Variants in DIAPH2 observed in about 807,000 individuals in gnomAD.
DIAPH2 encodes the protein protein diaphanous homolog 2.
A neutral mutation model predicts 92.7 loss-of-function variants in DIAPH2; 35 were observed. The observed-to-expected ratio is 0.38, with a 90% CI of 0.29 to 0.50. The LOEUF is 0.50. Ranked by LOEUF, DIAPH2 falls within the 20% of genes least tolerant of loss-of-function variation. DIAPH2 has a pLI of 0.94. For synonymous variants in DIAPH2, 301 were observed against 280.4 expected (o/e 1.07, Z -0.73); for missense variants, 701 against 819.5 (o/e 0.86, Z 1.77).
chrX:97,291,295 A>G (rs1172547497), intron 23 of DIAPH2, among the ~76,000 whole-genome samples: 1 of 110,964 alleles, frequency 9.0e-6, no homozygotes, highest in African/African-American at 3.3e-5. Context: ...TGGCTGAGGC[A>G]GGAGAATTGC....
At chrX:97,419,739 G>A (rs192373697) in intron 25 of DIAPH2, among the ~76,000 whole-genome samples, 2 of 111,796 alleles carry the variant, frequency 1.8e-5, no homozygotes, top group East Asian at 5.6e-4. Flanking sequence ...CTGCCATATA[G>A]TCAGCATTCA....
intron 17 of DIAPH2, among the ~76,000 whole-genome samples, chrX:97,010,353 G>C (rs948270868): frequency 1.8e-5 from 2 of 111,044 alleles, no homozygotes; most frequent in Non-Finnish European, 3.8e-5. Flanking sequence ...GGATAGGGAT[G>C]GGGGGGATGG....
chrX:97,543,471 C>A (rs2071155748), intron 26 of DIAPH2, among the ~76,000 whole-genome samples: 1 of 111,516 alleles, frequency 9.0e-6, no homozygotes, highest in South Asian at 3.8e-4. Flanking sequence ...ATAATCATGG[C>A]AAATGTGGTG....
intron 17 of DIAPH2, among the ~76,000 whole-genome samples, chrX:97,060,540 A>G (rs753618472): frequency 1.6e-4 from 18 of 111,347 alleles, no homozygotes; most frequent in Non-Finnish European, 2.8e-4. Context: ...TAGGGGCCAT[A>G]TATTGAGGAT....
In DIAPH2 at chrX:97,552,007, A is replaced by G. The variant is rs185770391; in HGVS notation, c.3242-47246A>G. On this transcript the variant is annotated intron_variant, in intron 26 of 26. Transcript: ENST00000324765. The stretch of plus-strand genomic sequence containing the variant: ...AGGATCATGGAAAGAGCATAGACTT[A>G]GATCAGAAGACTCATTCTAGCTGGT... Among the ~76,000 whole-genome samples, 280 of 111,899 alleles carry G rather than the reference A, an allele frequency of 2.5e-3. 1 individual carries two copies. Among genetic ancestry groups the G allele is most frequent in the African/African-American group, 8.8e-3 (272 of 30,786 alleles).
chrX:96,814,090 G>T (rs1385752918), intron 4 of DIAPH2, among the ~76,000 whole-genome samples: 6 of 111,621 alleles, frequency 5.4e-5, no homozygotes, highest in Non-Finnish European at 1.1e-4. Flanking sequence ...GTTTGGGGAA[G>T]TTCTCCTGGA....
chrX:96,937,019 A>T (rs187787277), intron 10 of DIAPH2, among the ~76,000 whole-genome samples: 92 of 111,911 alleles, frequency 8.2e-4, no homozygotes, highest in African/African-American at 2.8e-3. Context: ...ATCAAAATGT[A>T]GGGCATGGAA....
chrX:97,051,871 G>T (rs2066522717), intron 17 of DIAPH2, among the ~76,000 whole-genome samples: 1 of 111,979 alleles, frequency 8.9e-6, no homozygotes, highest in African/African-American at 3.2e-5. Context: ...AATAAAAGCT[G>T]TCAAACAGCA....
chrX:97,473,571 G>A (rs1356051868), intron 26 of DIAPH2, among the ~76,000 whole-genome samples: 2 of 111,492 alleles, frequency 1.8e-5, no homozygotes, highest in African/African-American at 3.2e-5. Flanking sequence ...TCCTGACCTC[G>A]TGATCTGCCC....
chrX:97,134,362 C>T (rs1488691704), intron 21 of DIAPH2, among the ~76,000 whole-genome samples: 1 of 111,876 alleles, frequency 8.9e-6, no homozygotes, highest in African/African-American at 3.3e-5. Context: ...ATTGAAAACA[C>T]GTTGACACTT....
intron 25 of DIAPH2, among the ~76,000 whole-genome samples, chrX:97,399,744 A>G (rs915951885): frequency 8.9e-6 from 1 of 112,207 alleles, no homozygotes; most frequent in Admixed American, 9.4e-5. Flanking sequence ...TTGTGTTTTC[A>G]CAGTTTTATT....
At chrX:97,587,349 A>T (rs1403236376) in intron 26 of DIAPH2, among the ~76,000 whole-genome samples, 1 of 111,532 alleles carries the variant, frequency 9.0e-6, no homozygotes, top group East Asian at 2.8e-4. Flanking sequence ...CTCTAGAAAT[A>T]ATCTCTTTCT....
chrX:96,693,089 T>C lies in DIAPH2; in HGVS notation c.132+7899T>C, dbSNP rs191350952. Among the ~76,000 whole-genome samples, 16 of 111,988 alleles carry C rather than the reference T, an allele frequency of 1.4e-4. No individual in the cohort carries two copies. In the East Asian group the frequency reaches 4.5e-3, roughly 32 times the overall value. Reference sequence around the variant, plus strand: ...AATATGAGAAATCAACTTGGGCAAATGGCCTAGACTCCACACAGATTTGCT... The same window carrying C: ...AATATGAGAAATCAACTTGGGCAAACGGCCTAGACTCCACACAGATTTGCT... On this transcript the variant is annotated intron_variant, in intron 1 of 26. Transcript: ENST00000324765.
chrX:97,279,756 A>G (rs1435525434), intron 23 of DIAPH2, among the ~76,000 whole-genome samples: 1 of 111,590 alleles, frequency 9.0e-6, no homozygotes, highest in Non-Finnish European at 1.9e-5. Context: ...TATGTCTATA[A>G]TAGCATGTGA....
intron 22 of DIAPH2, among the ~76,000 whole-genome samples, chrX:97,215,702 T>A (rs1301260355): frequency 9.0e-6 from 1 of 111,724 alleles, no homozygotes; most frequent in Admixed American, 9.5e-5. Flanking sequence ...GTTTGTGCCA[T>A]TAAGACACTG....
intron 19 of DIAPH2, among the ~76,000 whole-genome samples, chrX:97,094,900 A>G (rs1033180710): frequency 5.4e-5 from 6 of 110,312 alleles, no homozygotes; most frequent in African/African-American, 2.0e-4. Flanking sequence ...TGAAACTGTC[A>G]TTTCATTTGA....
At chrX:97,210,165 G>A (rs914332341) in intron 22 of DIAPH2, among the ~76,000 whole-genome samples, 2 of 111,628 alleles carry the variant, frequency 1.8e-5, no homozygotes, top group Non-Finnish European at 3.8e-5. Flanking sequence ...AGTATAAAGT[G>A]TGCAAAAGAA....
At chrX:97,060,142 C>T (rs887905735) in intron 17 of DIAPH2, among the ~76,000 whole-genome samples, 1 of 112,500 alleles carries the variant, frequency 8.9e-6, no homozygotes, top group South Asian at 3.6e-4. Flanking sequence ...AAGCATTCTG[C>T]GCTAAAAGCA....
At chrX:96,726,869 A>G (rs1250276383) in intron 1 of DIAPH2, among the ~76,000 whole-genome samples, 2 of 112,305 alleles carry the variant, frequency 1.8e-5, no homozygotes, top group African/African-American at 3.2e-5. Flanking sequence ...CATAGTGCCT[A>G]TAAATGCTCA....
Sources: allele counts gnomAD v4.1 joint callset (sites outside exome capture counted in the v4.1 genomes callset), GRCh38; gene constraint gnomAD v4.1.1; transcripts MANE v1.5; gene names NCBI Gene and HGNC (gene_info 2026-07-23, HGNC 2026-07-21).